The following DENND4C variants were observed in gnomAD, a reference collection of about 807,000 sequenced individuals.
The protein encoded by DENND4C is DENN domain containing 4C, also known as DENN domain-containing protein 4C.
A neutral mutation model predicts 203.0 loss-of-function variants in DENND4C; 108 were observed. The observed-to-expected ratio is 0.53, with a 90% CI of 0.46 to 0.62. The LOEUF is 0.62. Among genes scored for constraint, DENND4C ranks in the 20% least tolerant of loss-of-function variants. The pLI is 0.00. For synonymous variants in DENND4C, 871 were observed against 792.4 expected, an observed-to-expected ratio of 1.10 and a Z score of -1.67; for missense variants, 2,481 against 2,301.2, an observed-to-expected ratio of 1.08 and a Z score of -1.60.
In DENND4C at chr9:19,276,318, T is replaced by C; in HGVS notation, c.144T>C (p.Ile48=). ...AAGCTCCAATTACAGACATTGCCATTATTATCAAATCAGCTGGAGAAACAG... is the reference window on the plus strand; with the variant it reads ...AAGCTCCAATTACAGACATTGCCATCATTATCAAATCAGCTGGAGAAACAG... ...GPKAPITDIA[I]IIKSAGETVP... is the part of the protein sequence containing the mutation. The change falls in exon 2 of 33, where the codon ATT becomes ATC. Residue 48 remains isoleucine, a synonymous_variant. Transcript: ENST00000434457. The C allele has an allele frequency of 8.1e-7, 1 of 1,232,094 alleles. No homozygotes were observed. Among genetic ancestry groups the C allele is most frequent in the Non-Finnish European group, 1.0e-6 (1 of 987,940 alleles). The allele number at this position is 1,232,094 out of a possible 1,614,324, so 76.3% of individuals were successfully genotyped here. A position where few individuals can be genotyped will look rare whatever the true frequency, so the allele number is the denominator to read the frequency against.
At chr9:19,364,108 A>T (rs1380739087) in intron 30 of DENND4C, among the ~76,000 whole-genome samples, 1 of 152,130 alleles carries the variant, frequency 6.6e-6, no homozygotes, top group African/African-American at 2.4e-5. Flanking sequence ...CCTTGAGCCC[A>T]GGAGTTCTAG....
rs1347787894 is a variant in DENND4C, at chr9:19,346,791, A to G, written c.4022A>G (p.Glu1341Gly). The stretch of plus-strand genomic sequence containing the variant: ...GGTTCACCAGCACAGGAAAATCCTG[A>G]AAGTGAAAAGAGCTCACCTGCAGTG... ...DHGSPAQENPESEKSSPAVSR... is the reference protein window; with the variant it reads ...DHGSPAQENPGSEKSSPAVSR... Residue 1341 changes from glutamate to glycine, a missense_variant, in exon 23 of 33, where the codon GAA (glutamate) becomes GGA (glycine). By Grantham distance (98) the Glu-to-Gly change is moderately conservative. Transcript: ENST00000434457. 2.5e-6 allele frequency: 4 copies of G among 1,614,096 alleles called. No individual in the cohort carries two copies. The highest frequency in any genetic ancestry group is 2.2e-5 in the South Asian group (2 of 91,086).
At chr9:19,319,743 A>G (rs1208126638) in intron 12 of DENND4C, among the ~76,000 whole-genome samples, 1 of 152,154 alleles carries the variant, frequency 6.6e-6, no homozygotes, top group Admixed American at 6.6e-5. Flanking sequence ...GGACACAGAC[A>G]TTAGACAAGA....
chr9:19,364,149 C>T (rs931044161), intron 30 of DENND4C, among the ~76,000 whole-genome samples: 2 of 152,102 alleles, frequency 1.3e-5, no homozygotes, highest in Non-Finnish European at 2.9e-5. Flanking sequence ...CACCAGTGTA[C>T]TCCAGCCTGG....
chr9:19,315,833 G>C (rs1841744417), intron 10 of DENND4C, among the ~76,000 whole-genome samples: 1 of 151,950 alleles, frequency 6.6e-6, no homozygotes, highest in South Asian at 2.1e-4. Flanking sequence ...AGCCTCCTGA[G>C]TAGCTGGGAC....
At chr9:19,333,724 A>T (rs1819796870) in intron 17 of DENND4C, among the ~76,000 whole-genome samples, 2 of 152,180 alleles carry the variant, frequency 1.3e-5, no homozygotes, top group Admixed American at 6.5e-5. Context: ...TAAGAAGTAG[A>T]TACTGATATT....
rs1829067844 is a variant in DENND4C at position 19,372,867 on chromosome 9, A to T, written c.*694A>T. The T allele has an allele frequency of 6.6e-6, 1 of 152,094 alleles. No homozygotes were observed. Among genetic ancestry groups the T allele is most frequent in the Non-Finnish European group, 1.5e-5 (1 of 68,232 alleles). The allele number at this position is 152,094 out of a possible 1,614,324, so 9.4% of individuals were successfully genotyped here. Reference sequence around the variant, plus strand: ...CAGAGTGAGACCGTCTCAAAAAAAAAAAAAAAAAAAAAAGAGAGCAACATA... The same window carrying T: ...CAGAGTGAGACCGTCTCAAAAAAAATAAAAAAAAAAAAAGAGAGCAACATA... On this transcript the variant is annotated 3_prime_UTR_variant, in exon 33 of 33. Transcript: ENST00000434457.
intron 1 of DENND4C, among the ~76,000 whole-genome samples, chr9:19,246,559 T>G (rs1825320968): frequency 6.6e-6 from 1 of 152,132 alleles, no homozygotes. Flanking sequence ...GTTTGTTTAT[T>G]TATTGATTTA....
chr9:19,285,318 G>A (rs1355658327), intron 2 of DENND4C, among the ~76,000 whole-genome samples: 1 of 152,066 alleles, frequency 6.6e-6, no homozygotes, highest in Non-Finnish European at 1.5e-5. Flanking sequence ...CAATTCACAT[G>A]TCATACAGTT....
At chr9:19,261,168 T>C (rs1829258403) in intron 1 of DENND4C, among the ~76,000 whole-genome samples, 1 of 152,124 alleles carries the variant, frequency 6.6e-6, no homozygotes, top group East Asian at 1.9e-4. Context: ...ATAAGTTCGT[T>C]GTAGATGTAT....
intron 2 of DENND4C, among the ~76,000 whole-genome samples, chr9:19,280,953 C>A (rs532489995): frequency 6.6e-6 from 1 of 152,138 alleles, no homozygotes; most frequent in East Asian, 1.9e-4. Context: ...GTTGCCCAGG[C>A]TAGTCTTGAG....
At chr9:19,342,590 T>C (rs1306339030) in intron 21 of DENND4C, 43 bp from the exon 22 acceptor site, 3 of 1,546,576 alleles carry the variant, frequency 1.9e-6, no homozygotes, top group East Asian at 2.3e-5. Flanking sequence ...CTGTTTAATA[T>C]TGGCAAAAGT....
At chr9:19,332,476 G>A (rs1040905812) in intron 17 of DENND4C, among the ~76,000 whole-genome samples, 5 of 150,882 alleles carry the variant, frequency 3.3e-5, no homozygotes, top group Admixed American at 6.6e-5. Flanking sequence ...TGTGCCTCCC[G>A]AGTAGCTGGA....
intron 1 of DENND4C, among the ~76,000 whole-genome samples, chr9:19,246,416 C>T (rs558460107): frequency 6.6e-6 from 1 of 152,130 alleles, no homozygotes; most frequent in South Asian, 2.1e-4. Flanking sequence ...CTTCTAGACT[C>T]TTAGCTGTTT....
chr9:19,240,679 A>C (rs908109450), intron 1 of DENND4C, among the ~76,000 whole-genome samples: 11 of 149,220 alleles, frequency 7.4e-5, no homozygotes, highest in African/African-American at 2.2e-4. Flanking sequence ...AAACAAAAAA[A>C]AAAAAGGCCA....
chr9:19,337,417 GGTT>G lies in DENND4C; in HGVS notation c.2881+589_2881+591del, dbSNP rs1259972047. Among the ~76,000 whole-genome samples, 5 of 152,094 alleles carry G rather than the reference GGTT, an allele frequency of 3.3e-5. No individual in the cohort carries two copies. In the South Asian group the frequency reaches 6.2e-4, roughly 19 times the overall value. ...TCTTCTTGTGTTGTTTTTTTGTTGT[GGTT>G]GTTTTTAATATCTCAAGCCTTCCTT... On this transcript the variant is annotated intron_variant, in intron 20 of 32. Transcript: ENST00000434457.
At chr9:19,262,201 C>T (rs1231212544) in intron 1 of DENND4C, among the ~76,000 whole-genome samples, 1 of 147,900 alleles carries the variant, frequency 6.8e-6, no homozygotes, top group African/African-American at 2.5e-5. Context: ...ATTCTTCGAC[C>T]TCAGCCTCCA....
In DENND4C at chr9:19,286,999, A is replaced by T; in HGVS notation, c.536A>T (p.Asp179Val). Residue 179 changes from aspartate to valine, a missense_variant, in exon 3 of 33, where the codon GAC (aspartate) becomes GTC (valine). Asp to Val is a radical substitution (Grantham distance 152). Coordinates refer to ENST00000434457, the MANE Select transcript of DENND4C (RefSeq NM_001330640.2). ...CCTCCTCATACCTTCTGCAAAGTTGACAAAAACTTAAATTGTGGAATGGTA... is the reference window on the plus strand; with the variant it reads ...CCTCCTCATACCTTCTGCAAAGTTGTCAAAAACTTAAATTGTGGAATGGTA... ...ETPPHTFCKV[D>V]KNLNCGMWGS... 1.6e-6 allele frequency: 2 copies of T among 1,232,142 alleles called. No individual in the cohort carries two copies. The highest frequency in any genetic ancestry group is 2.0e-6 in the Non-Finnish European group (2 of 987,944). 76.3% of individuals were successfully genotyped at this position (1,232,142 alleles called of 1,614,324 possible).
At chr9:19,247,101 T>C (rs1825471290) in intron 1 of DENND4C, among the ~76,000 whole-genome samples, 1 of 152,216 alleles carries the variant, frequency 6.6e-6, no homozygotes. Context: ...GATCAGTTCC[T>C]GTTTTATAAA....
Sources: gnomAD v4.1 joint callset for allele counts (sites outside exome capture counted in the v4.1 genomes callset) on GRCh38, gnomAD v4.1.1 for gene constraint, MANE v1.5 for transcripts, NCBI Gene and HGNC (gene_info 2026-07-23, HGNC 2026-07-21) for gene names.